The following NAV3 variants were observed in gnomAD, a reference collection of about 807,000 sequenced individuals.
NAV3 encodes neuron navigator 3.
In NAV3, 87 loss-of-function variants were observed where a neutral mutation model predicts 244.7. That is an observed-to-expected ratio of 0.36 (90% confidence interval 0.30 to 0.42). The LOEUF is 0.42. Ranked by LOEUF, NAV3 falls within the 20% of genes least tolerant of loss-of-function variation. The pLI, the probability that NAV3 is intolerant of heterozygous loss-of-function variation, is 1.00. For missense variants in NAV3, 2,663 were observed against 2,893.3 expected (o/e 0.92, Z 1.83); for synonymous variants, 1,126 against 1,042.2 (o/e 1.08, Z -1.55).
chr12:77,648,854 G>C (rs1565752563), intron 2 of NAV3, among the ~76,000 whole-genome samples: 1 of 152,114 alleles, frequency 6.6e-6, no homozygotes, highest in East Asian at 1.9e-4. Context: ...ATTTCTTCTG[G>C]AGCTGATTAG....
rs189040223 is a variant in NAV3 at position 77,666,447 on chromosome 12, A to G, written c.72+94181A>G. Among the ~76,000 whole-genome samples the G allele has an allele frequency of 2.0e-3, 306 of 152,268 alleles. 2 individuals are homozygous for G. Among genetic ancestry groups the G allele is most frequent in the African/African-American group, 7.0e-3 (293 of 41,568 alleles). ...ATCATATGAAGAGAGACGCTATTTA[A>G]TCTAATGTCTATTAAATAAAAAGCC... On this transcript the variant is annotated intron_variant, in intron 2 of 8. Coordinates refer to the NAV3 transcript ENST00000550042.
intron 1 of NAV3, among the ~76,000 whole-genome samples, chr12:77,880,374 T>A (rs955123729): frequency 5.3e-5 from 8 of 152,138 alleles, no homozygotes; most frequent in African/African-American, 1.9e-4. Flanking sequence ...TACAGTAACT[T>A]CATAGAGGCT....
intron 2 of NAV3, among the ~76,000 whole-genome samples, chr12:77,744,432 T>C (rs1438682337): frequency 6.6e-6 from 1 of 151,988 alleles, no homozygotes. Context: ...CTTTATTTTC[T>C]GCTTGGACTT....
chr12:77,842,943 C>T (rs1875942323), intron 1 of NAV3, among the ~76,000 whole-genome samples: 1 of 152,074 alleles, frequency 6.6e-6, no homozygotes, highest in South Asian at 2.1e-4. Flanking sequence ...ACTTTTTAGG[C>T]TTAAAAAATG....
chr12:77,757,986 C>A (rs1330822153), intron 2 of NAV3, among the ~76,000 whole-genome samples: 1 of 152,172 alleles, frequency 6.6e-6, no homozygotes, highest in Non-Finnish European at 1.5e-5. Context: ...CCCCGTGACT[C>A]TTTTCCTTGC....
intron 2 of NAV3, among the ~76,000 whole-genome samples, chr12:77,770,041 A>T (rs1869996181): frequency 6.6e-6 from 1 of 152,172 alleles, no homozygotes; most frequent in Non-Finnish European, 1.5e-5. Flanking sequence ...TCTTTTTAGA[A>T]AAAATGGTGG....
At chr12:78,188,820 G>A (rs2139858693) in intron 33 of NAV3, 43 bp downstream of exon 33, 1 of 1,589,572 alleles carries the variant, frequency 6.3e-7, no homozygotes. Flanking sequence ...ATAATTTTTA[G>A]CAACATTTTA....
At chr12:77,600,492 G>A (rs1246138585) in intron 2 of NAV3, among the ~76,000 whole-genome samples, 1 of 151,878 alleles carries the variant, frequency 6.6e-6, no homozygotes, top group Non-Finnish European at 1.5e-5. Flanking sequence ...TAAGATAATT[G>A]CATATAGGCT....
chr12:78,124,615 G>A (rs1158964642), intron 16 of NAV3, among the ~76,000 whole-genome samples: 1 of 151,924 alleles, frequency 6.6e-6, no homozygotes, highest in Non-Finnish European at 1.5e-5. Context: ...CACCATGCTG[G>A]GCTAATTTTT....
chr12:77,735,646 A>T (rs1877303910), intron 2 of NAV3, among the ~76,000 whole-genome samples: 1 of 152,048 alleles, frequency 6.6e-6, no homozygotes, highest in Admixed American at 6.6e-5. Context: ...TATCACTATG[A>T]TCATAAAAAA....
chr12:78,099,289 G>A (rs1014765534), intron 12 of NAV3, among the ~76,000 whole-genome samples: 1 of 151,432 alleles, frequency 6.6e-6, no homozygotes, highest in Non-Finnish European at 1.5e-5. Context: ...TAATTTAAGA[G>A]CATTAAAATA....
chr12:78,077,941 A>G (rs971325460), intron 12 of NAV3, among the ~76,000 whole-genome samples: 2 of 152,214 alleles, frequency 1.3e-5, no homozygotes, highest in Non-Finnish European at 2.9e-5. Context: ...CTCTGCCTCA[A>G]AAACAAAAAA....
At position 77,776,035 on chromosome 12, in the gene NAV3, T is replaced by A. The variant is rs1490964004; in HGVS notation, c.73-164284T>A. The stretch of plus-strand genomic sequence containing the variant: ...AGAGCATGGCAAGGATTCTAGCCCC[T>A]ATCTCCCTCAGGCCAAGAATTGTTA... On this transcript the variant is annotated intron_variant, in intron 2 of 8. Transcript: ENST00000550042. 2.0e-5 allele frequency among the ~76,000 whole-genome samples: 3 copies of A among 152,322 alleles called. No individual in the cohort carries two copies. The East Asian group carries it at 5.8e-4, about 29-fold the overall frequency.
intron 2 of NAV3, among the ~76,000 whole-genome samples, chr12:77,747,734 G>C (rs1413666776): frequency 3.3e-5 from 5 of 152,102 alleles, no homozygotes; most frequent in Non-Finnish European, 5.9e-5. Context: ...TCCTTTGTGG[G>C]GACATGGATG....
intron 28 of NAV3, among the ~76,000 whole-genome samples, chr12:78,178,427 C>G (rs1466003119): frequency 6.6e-6 from 1 of 152,016 alleles, no homozygotes; most frequent in Non-Finnish European, 1.5e-5. Context: ...TCCCAAAGTA[C>G]TGGGATTACA....
intron 20 of NAV3, chr12:78,144,932 A>G (rs1296397318): frequency 0.14 from 19,544 of 144,128 alleles, 2,193 homozygotes; most frequent in Admixed American, 0.24. Context: ...AAAAAAAAAA[A>G]AAAAAAAAAA....
chr12:78,119,118 C>A, intron 14 of NAV3, 119 bp from the exon 15 acceptor site: 1 of 1,089,486 alleles, frequency 9.2e-7, no homozygotes, highest in Non-Finnish European at 1.3e-6. Context: ...TGATCTAAGA[C>A]AATACATTTA....
intron 5 of NAV3, among the ~76,000 whole-genome samples, chr12:77,978,531 T>C (rs1180388872): frequency 2.0e-5 from 3 of 152,086 alleles, no homozygotes; most frequent in Admixed American, 2.0e-4. Flanking sequence ...TAATCTTTTC[T>C]ACTAAAGACT....
At chr12:78,145,413 G>C (rs1243932573) in intron 20 of NAV3, among the ~76,000 whole-genome samples, 2 of 152,164 alleles carry the variant, frequency 1.3e-5, no homozygotes, top group East Asian at 3.9e-4. Flanking sequence ...AGTTCAGGTA[G>C]TTTTGTGTCA....
Sources: allele counts gnomAD v4.1 joint callset (sites outside exome capture counted in the v4.1 genomes callset), GRCh38; gene constraint gnomAD v4.1.1; transcripts MANE v1.5; gene names NCBI Gene and HGNC (gene_info 2026-07-23, HGNC 2026-07-21).